CASR: variants seen among roughly 807,000 people sequenced by gnomAD.
CASR encodes the protein extracellular calcium-sensing receptor.
Under a neutral mutation model 69.1 loss-of-function variants are expected in CASR, and 23 were observed. That is an observed-to-expected ratio of 0.33 (90% CI 0.24 to 0.47). CASR has a LOEUF of 0.47. Ranked by LOEUF, CASR falls within the 20% of genes least tolerant of loss-of-function variation. CASR has a pLI of 1.00. For missense variants in CASR, 924 were observed against 1,356.1 expected (o/e 0.68, Z 5.00); for synonymous variants, 541 against 544.7 (o/e 0.99, Z 0.10).
At chr3:122,279,738 G>A (rs192684995) in intron 5 of CASR, among the ~76,000 whole-genome samples, 10 of 152,136 alleles carry the variant, frequency 6.6e-5, no homozygotes, top group Admixed American at 6.5e-4. Flanking sequence ...CATTAATCTA[G>A]GAATAGAAGG....
chr3:122,247,006 C>G (rs1256344156), intron 1 of CASR: 1 of 152,202 alleles, frequency 6.6e-6, no homozygotes, highest in Non-Finnish European at 1.5e-5. Flanking sequence ...AATTTCATAC[C>G]TGGGATTACA....
intron 1 of CASR, among the ~76,000 whole-genome samples, chr3:122,229,294 A>G (rs1343350819): frequency 6.6e-6 from 1 of 152,088 alleles, no homozygotes; most frequent in Non-Finnish European, 1.5e-5. Flanking sequence ...AAAATTCTCT[A>G]CTTTCCTACC....
chr3:122,256,418 A>T (rs1268343616), intron 2 of CASR, among the ~76,000 whole-genome samples: 3 of 152,216 alleles, frequency 2.0e-5, no homozygotes, highest in African/African-American at 4.8e-5. Flanking sequence ...GCTACTTCAA[A>T]TTCATTACTG....
intron 1 of CASR, among the ~76,000 whole-genome samples, chr3:122,232,293 C>T (rs1336759762): frequency 6.6e-6 from 1 of 152,098 alleles, no homozygotes; most frequent in Non-Finnish European, 1.5e-5. Flanking sequence ...GCATAAAGAG[C>T]AAGAGGGACT....
chr3:122,267,704 A>C (rs2074710368), intron 4 of CASR, among the ~76,000 whole-genome samples: 1 of 152,228 alleles, frequency 6.6e-6, no homozygotes, highest in African/African-American at 2.4e-5. Context: ...AGTGGTAGTT[A>C]CCAAGCATAT....
At chr3:122,225,795 T>C (rs1373169572) in intron 1 of CASR, among the ~76,000 whole-genome samples, 2 of 152,186 alleles carry the variant, frequency 1.3e-5, no homozygotes, top group East Asian at 3.8e-4. Context: ...GCAGCAGTAT[T>C]CACAAGAGCA....
Position 122,287,543 on chromosome 3 carries a change from G to A in CASR, c.*2352G>A, listed in dbSNP as rs146018192. On this transcript the variant is annotated 3_prime_UTR_variant, in exon 7 of 7. Transcript: ENST00000639785. ...CCTCAGTGTTTTCTGAGCCAATTTA[G>A]ATGTTTGGGGATCAATTCAGAGGTT... 3 of 152,348 alleles carry A rather than the reference G, an allele frequency of 2.0e-5. No homozygotes were observed. The highest frequency in any genetic ancestry group is 4.8e-5 in the African/African-American group (2 of 41,574). 9.4% of individuals were successfully genotyped at this position (152,348 alleles called of 1,614,324 possible). A position where few individuals can be genotyped will look rare whatever the true frequency, so the allele number is the denominator to read the frequency against.
chr3:122,211,263 C>A (rs569958742), intron 1 of CASR, among the ~76,000 whole-genome samples: 1 of 152,328 alleles, frequency 6.6e-6, no homozygotes, highest in East Asian at 1.9e-4. Flanking sequence ...TAAAGAGCTT[C>A]TGCACAGCAA....
In CASR at chr3:122,197,003, A is replaced by T. The variant is rs117914269; in HGVS notation, c.-243+13191A>T. ...AGATCTATTATCTTTGCCAATTTCA[A>T]GTGTACAATACAGTATTATTAACTA... is the stretch of plus-strand genomic sequence containing the variant. On this transcript the variant is annotated intron_variant, in intron 1 of 6. Transcript: ENST00000639785. Among the ~76,000 whole-genome samples, 4 of 152,258 alleles carry T rather than the reference A, an allele frequency of 2.6e-5. No homozygotes were observed. In the East Asian group the frequency reaches 7.7e-4, roughly 29 times the overall value.
chr3:122,284,483 AGCCAGCTTTGGCTTGCTGGCG>A lies in CASR; in HGVS notation c.2530_2550del (p.Ala844_Ala850del). The A allele has an allele frequency of 6.2e-7, 1 of 1,613,568 alleles. No homozygotes were observed. Among genetic ancestry groups the A allele is most frequent in the South Asian group, 1.1e-5 (1 of 91,086 alleles). On this transcript the variant is annotated inframe_deletion, in exon 7 of 7. Transcript: ENST00000639785. ...CCGTAGAGGTGATTGCCATCCTGGC[AGCCAGCTTTGGCTTGCTGGCG>A]TGCATCTTCTTCAACAAGATCTACA...
At chr3:122,203,684 T>A (rs1174961581) in intron 1 of CASR, among the ~76,000 whole-genome samples, 1 of 152,220 alleles carries the variant, frequency 6.6e-6, no homozygotes, top group South Asian at 2.1e-4. Context: ...GGCCTAGGAC[T>A]CACTGTGCAC....
At chr3:122,237,521 T>G (rs2074339835) in intron 1 of CASR, among the ~76,000 whole-genome samples, 1 of 152,186 alleles carries the variant, frequency 6.6e-6, no homozygotes, top group Non-Finnish European at 1.5e-5. Flanking sequence ...GGAAAATGAA[T>G]GAATAAATTG....
chr3:122,189,159 G>A (rs1046447853), intron 1 of CASR, among the ~76,000 whole-genome samples: 6 of 152,212 alleles, frequency 3.9e-5, no homozygotes, highest in Non-Finnish European at 7.3e-5. Context: ...AGCCTCTGCC[G>A]TGGACAGTCT....
intron 1 of CASR, among the ~76,000 whole-genome samples, chr3:122,205,537 G>T (rs7614486): frequency 0.74 from 112,575 of 151,860 alleles, 42,022 homozygotes; most frequent in Admixed American, 0.83. Context: ...TCTTTGCTCT[G>T]TGGCTATTCA....
intron 1 of CASR, among the ~76,000 whole-genome samples, chr3:122,238,670 C>A (rs1334069873): frequency 6.6e-6 from 1 of 152,164 alleles, no homozygotes; most frequent in African/African-American, 2.4e-5. Flanking sequence ...GTGACTCCTT[C>A]CTTCTGCTTA....
At position 122,285,141 on chromosome 3, in the gene CASR, G is replaced by A. The variant is rs781635511; in HGVS notation, c.3187G>A (p.Val1063Ile). 2 of 1,614,158 alleles carry A rather than the reference G, an allele frequency of 1.2e-6. No individual in the cohort carries two copies. The highest frequency in any genetic ancestry group is 2.2e-5 in the East Asian group (1 of 44,882). Residue 1063 changes from valine (V) to isoleucine (I), a missense_variant, in exon 7 of 7, where the codon GTC (valine) becomes ATC (isoleucine). Transcript: ENST00000639785. ...TGTAGTGTCCAGTTCACAGAGCTTTGTCATCAGTGGTGGAGGCAGCACTGT... is the reference window on the plus strand; with the variant it reads ...TGTAGTGTCCAGTTCACAGAGCTTTATCATCAGTGGTGGAGGCAGCACTGT... ...ALVVSSSQSF[V>I]ISGGGSTVTE...
At chr3:122,272,147 ATGAT>A (rs1430523171) in intron 4 of CASR, among the ~76,000 whole-genome samples, 1 of 151,564 alleles carries the variant, frequency 6.6e-6, no homozygotes, top group Non-Finnish European at 1.5e-5. Flanking sequence ...GTTGGGTCAA[ATGAT>A]GACTCTATGT....
chr3:122,247,566 C>T (rs2074439822), intron 1 of CASR: 1 of 152,232 alleles, frequency 6.6e-6, no homozygotes, highest in Non-Finnish European at 1.5e-5. Flanking sequence ...CAGTTCAGGA[C>T]AAGAAGTTTC....
chr3:122,185,757 C>T (rs2073773089), intron 1 of CASR, among the ~76,000 whole-genome samples: 1 of 152,100 alleles, frequency 6.6e-6, no homozygotes, highest in Non-Finnish European at 1.5e-5. Context: ...CCTGGGAGAG[C>T]GGGTGCTTTA....
Sources: allele counts gnomAD v4.1 joint callset (sites outside exome capture counted in the v4.1 genomes callset), GRCh38; gene constraint gnomAD v4.1.1; transcripts MANE v1.5; gene names NCBI Gene and HGNC (gene_info 2026-07-23, HGNC 2026-07-21).